The following ASTN1 variants were observed in gnomAD, a reference collection of about 807,000 sequenced individuals.
The protein encoded by ASTN1 is astrotactin 1.
ASTN1 carries 41 observed loss-of-function variants against 140.7 expected under a neutral mutation model. The observed-to-expected ratio is 0.29, with a 90% CI of 0.23 to 0.38. The LOEUF is 0.38. Among genes scored for constraint, ASTN1 ranks in the 10% least tolerant of loss-of-function variants. ASTN1 has a pLI of 1.00. For synonymous variants in ASTN1, 640 were observed against 652.2 expected, an observed-to-expected ratio of 0.98 and a Z score of 0.29; for missense variants, 1,479 against 1,678.8, an observed-to-expected ratio of 0.88 and a Z score of 2.08.
chr1:176,984,640 C>T (rs1228345066), intron 8 of ASTN1, among the ~76,000 whole-genome samples: 1 of 152,160 alleles, frequency 6.6e-6, no homozygotes, highest in Non-Finnish European at 1.5e-5. Flanking sequence ...TAGGGAAGAC[C>T]ATTCTATTTT....
At chr1:177,034,244 A>AACAC (rs5778922) in intron 2 of ASTN1, among the ~76,000 whole-genome samples, 1,629 of 143,368 alleles carry the variant, frequency 0.011, 40 homozygotes, top group African/African-American at 0.039. Context: ...TGAGCAAAGG[A>AACAC]ACACACACAC....
chr1:176,890,732 G>C (rs1669223581), intron 17 of ASTN1, among the ~76,000 whole-genome samples: 1 of 152,158 alleles, frequency 6.6e-6, no homozygotes, highest in African/African-American at 2.4e-5. Flanking sequence ...CTCCATAAGA[G>C]TTCCTACTCT....
chr1:177,135,795 G>T (rs998397680), intron 1 of ASTN1, among the ~76,000 whole-genome samples: 1 of 152,146 alleles, frequency 6.6e-6, no homozygotes, highest in Non-Finnish European at 1.5e-5. Context: ...GCCACTCAAA[G>T]TGTTCTCATG....
At chr1:176,875,092 G>A (rs901802517) in intron 21 of ASTN1, among the ~76,000 whole-genome samples, 1 of 152,172 alleles carries the variant, frequency 6.6e-6, no homozygotes, top group Non-Finnish European at 1.5e-5. Context: ...ATGGTACTGT[G>A]AGGATACCTT....
At position 177,136,517 on chromosome 1, in the gene ASTN1, T is replaced by A. The variant is rs1047238794; in HGVS notation, c.283+27877A>T. On this transcript the variant is annotated intron_variant, in intron 1 of 22. Transcript: ENST00000361833. ...ACAGGTGCACCCCACAACCGCCCAG[T>A]TAATTTTTGCATTTTTAGTAGAGAC... Among the ~76,000 whole-genome samples the A allele has an allele frequency of 2.6e-5, 4 of 152,000 alleles. No individual in the cohort carries two copies. The East Asian group carries it at 7.7e-4, about 29-fold the overall frequency.
rs1210242491 is a variant in ASTN1, at chr1:176,861,619, T to C, written c.*2665A>G. ...AAGATTTTCCCCTGCCCTGTTCATA[T>C]CAGCCTTTTTAACTTGAATGTAAGT... On this transcript the variant is annotated 3_prime_UTR_variant, in exon 23 of 23. Coordinates refer to ENST00000361833, the MANE Select transcript of ASTN1 (RefSeq NM_004319.3). 1 of 985,408 alleles carries C rather than the reference T, an allele frequency of 1.0e-6. No homozygotes were observed. Among genetic ancestry groups the C allele is most frequent in the Non-Finnish European group, 1.2e-6 (1 of 829,990 alleles). 61.0% of individuals were successfully genotyped at this position (985,408 alleles called of 1,614,324 possible). A position where few individuals can be genotyped will look rare whatever the true frequency, so the allele number is the denominator to read the frequency against.
intron 14 of ASTN1, among the ~76,000 whole-genome samples, chr1:176,940,935 T>G (rs1671688615): frequency 6.6e-6 from 1 of 152,230 alleles, no homozygotes; most frequent in Non-Finnish European, 1.5e-5. Context: ...CGAGGTGTTG[T>G]CTATTGCTGA....
intron 1 of ASTN1, among the ~76,000 whole-genome samples, chr1:177,083,284 T>C (rs1679267925): frequency 6.6e-6 from 1 of 152,124 alleles, no homozygotes; most frequent in Non-Finnish European, 1.5e-5. Flanking sequence ...TAAAACCCAC[T>C]GCTCGTCACA....
intron 2 of ASTN1, among the ~76,000 whole-genome samples, chr1:177,054,425 G>T (rs1485678891): frequency 6.6e-6 from 1 of 152,040 alleles, no homozygotes; most frequent in Admixed American, 6.6e-5. Context: ...GTCTTAGTCT[G>T]TTTGTTGTAC....
At chr1:176,906,590 A>C (rs1372202925) in intron 16 of ASTN1, among the ~76,000 whole-genome samples, 1 of 152,172 alleles carries the variant, frequency 6.6e-6, no homozygotes, top group Non-Finnish European at 1.5e-5. Flanking sequence ...CTCGTGGTTC[A>C]TGCCTGTAAT....
chr1:176,904,025 C>G (rs1669879817), intron 16 of ASTN1, among the ~76,000 whole-genome samples: 1 of 152,158 alleles, frequency 6.6e-6, no homozygotes, highest in South Asian at 2.1e-4. Flanking sequence ...TATAAAGACA[C>G]TAGTCGTTGA....
intron 2 of ASTN1, among the ~76,000 whole-genome samples, chr1:177,046,829 GA>G (rs1463524668): frequency 6.6e-6 from 1 of 152,130 alleles, no homozygotes; most frequent in Non-Finnish European, 1.5e-5. Context: ...GACCAGAGAC[GA>G]GGCCTGAAGA....
intron 2 of ASTN1, among the ~76,000 whole-genome samples, chr1:177,039,006 T>C (rs543638140): frequency 1.3e-5 from 2 of 152,272 alleles, no homozygotes; most frequent in East Asian, 3.9e-4. Context: ...AATCAATAAA[T>C]CTTCGAATAA....
At chr1:177,140,536 C>T (rs1217111492) in intron 1 of ASTN1, among the ~76,000 whole-genome samples, 2 of 152,184 alleles carry the variant, frequency 1.3e-5, no homozygotes, top group African/African-American at 4.8e-5. Flanking sequence ...GAAAAAAAGC[C>T]TGGGTACATT....
chr1:176,914,182 G>T (rs1557955734), intron 16 of ASTN1, among the ~76,000 whole-genome samples: 1 of 152,158 alleles, frequency 6.6e-6, no homozygotes, highest in Non-Finnish European at 1.5e-5. Context: ...CAAGGTCACA[G>T]AATTATCAGT....
chr1:177,031,674 C>A (rs1352617212), intron 3 of ASTN1, among the ~76,000 whole-genome samples: 1 of 152,198 alleles, frequency 6.6e-6, no homozygotes, highest in Non-Finnish European at 1.5e-5. Flanking sequence ...ATATAGTAAG[C>A]AACATTCAGC....
At chr1:177,052,819 T>C (rs1677606468) in intron 2 of ASTN1, among the ~76,000 whole-genome samples, 3 of 152,206 alleles carry the variant, frequency 2.0e-5, no homozygotes, top group Admixed American at 2.0e-4. Flanking sequence ...TTCCATAACC[T>C]GGAAAATTGG....
intron 8 of ASTN1, among the ~76,000 whole-genome samples, chr1:176,989,937 C>T (rs1247738692): frequency 5.9e-5 from 9 of 151,976 alleles, no homozygotes; most frequent in African/African-American, 2.2e-4. Context: ...CCGCCCTCCC[C>T]CTGCCCCCAT....
At chr1:177,082,782 C>CT (rs1679241329) in intron 1 of ASTN1, among the ~76,000 whole-genome samples, 2 of 152,186 alleles carry the variant, frequency 1.3e-5, no homozygotes, top group African/African-American at 4.8e-5. Context: ...GGGAGCTCTG[C>CT]CGCCATAGAT....
Sources: allele counts gnomAD v4.1 joint callset (sites outside exome capture counted in the v4.1 genomes callset), GRCh38; gene constraint gnomAD v4.1.1; transcripts MANE v1.5; gene names NCBI Gene and HGNC (gene_info 2026-07-23, HGNC 2026-07-21).